GMDS: variants seen among roughly 807,000 people sequenced by gnomAD.
The protein encoded by GMDS is GDP-mannose 4,6-dehydratase.
In GMDS, 20 loss-of-function variants were observed where a neutral mutation model predicts 49.9. The ratio of observed to expected loss-of-function variants is 0.40; its 90% CI spans 0.28 to 0.58. GMDS has a LOEUF of 0.58. Among genes scored for constraint, GMDS ranks in the 20% least tolerant of loss-of-function variants. The pLI, the probability that GMDS is intolerant of heterozygous loss-of-function variation, is 0.42. For synonymous variants in GMDS, 177 were observed against 178.6 expected, an observed-to-expected ratio of 0.99 and a Z score of 0.07; for missense variants, 362 against 481.4, an observed-to-expected ratio of 0.75 and a Z score of 2.32.
intron 4 of GMDS, among the ~76,000 whole-genome samples, chr6:2,022,190 C>A (rs1319142375): frequency 1.3e-5 from 2 of 151,952 alleles, no homozygotes; most frequent in East Asian, 3.9e-4. Flanking sequence ...TCTAAAAAAA[C>A]CAAAGTGGAG....
At chr6:1,761,139 T>A (rs1581150928) in intron 7 of GMDS, among the ~76,000 whole-genome samples, 1 of 152,304 alleles carries the variant, frequency 6.6e-6, no homozygotes, top group East Asian at 1.9e-4. Context: ...AAAGGCCCCC[T>A]GTGTTCTCCA....
chr6:2,156,737 A>G (rs1777132851), intron 1 of GMDS, among the ~76,000 whole-genome samples: 1 of 152,228 alleles, frequency 6.6e-6, no homozygotes, highest in Non-Finnish European at 1.5e-5. Context: ...GTCTCGGGGT[A>G]GATATTATGT....
chr6:1,708,093 G>C (rs1765803514), intron 9 of GMDS, among the ~76,000 whole-genome samples: 1 of 152,154 alleles, frequency 6.6e-6, no homozygotes, highest in African/African-American at 2.4e-5. Context: ...GATTTTAATG[G>C]CATAGAAAGG....
At chr6:2,065,173 C>T (rs551400745) in intron 4 of GMDS, among the ~76,000 whole-genome samples, 41 of 152,276 alleles carry the variant, frequency 2.7e-4, no homozygotes, top group Middle Eastern at 3.4e-3. Context: ...ACTGACACCT[C>T]ACACAGCCTG....
At chr6:1,733,055 G>A (rs980751718) in intron 8 of GMDS, among the ~76,000 whole-genome samples, 4 of 152,140 alleles carry the variant, frequency 2.6e-5, no homozygotes, top group African/African-American at 4.8e-5. Context: ...CACTAGCTCC[G>A]CTACAGACCC....
At chr6:1,973,487 G>T (rs972759939) in intron 4 of GMDS, among the ~76,000 whole-genome samples, 1 of 152,032 alleles carries the variant, frequency 6.6e-6, no homozygotes, top group Non-Finnish European at 1.5e-5. Flanking sequence ...AAAATCAGGG[G>T]ATTAAAAATA....
intron 7 of GMDS, among the ~76,000 whole-genome samples, chr6:1,858,175 C>CA (rs1430160435): frequency 6.6e-6 from 1 of 151,688 alleles, no homozygotes; most frequent in Non-Finnish European, 1.5e-5. Context: ...ATAAAACAGA[C>CA]AAAAAAAGAA....
At chr6:1,655,331 T>G (rs1257580433) in intron 9 of GMDS, among the ~76,000 whole-genome samples, 1 of 152,210 alleles carries the variant, frequency 6.6e-6, no homozygotes, top group Non-Finnish European at 1.5e-5. Flanking sequence ...ACGTGGGTTC[T>G]GATTATTCTT....
intron 1 of GMDS, among the ~76,000 whole-genome samples, chr6:2,141,195 A>C (rs1776268242): frequency 6.6e-6 from 1 of 152,222 alleles, no homozygotes. Context: ...GATCAGGTCA[A>C]CAGGAAGCTG....
intron 9 of GMDS, among the ~76,000 whole-genome samples, chr6:1,716,928 T>TA (rs1766196796): frequency 6.6e-6 from 1 of 152,232 alleles, no homozygotes; most frequent in Non-Finnish European, 1.5e-5. Context: ...TCAGCGGTGT[T>TA]TTCTGAGTGT....
At chr6:2,068,964 G>C (rs746431896) in intron 4 of GMDS, among the ~76,000 whole-genome samples, 1 of 152,080 alleles carries the variant, frequency 6.6e-6, no homozygotes, top group Non-Finnish European at 1.5e-5. Flanking sequence ...GCCAAGTCAA[G>C]CCTAAGTCAA....
At chr6:1,706,965 C>T (rs547024340) in intron 9 of GMDS, among the ~76,000 whole-genome samples, 6 of 152,292 alleles carry the variant, frequency 3.9e-5, no homozygotes, top group South Asian at 4.1e-4. Context: ...GCAGTATTTT[C>T]GGGAAGGCAA....
At chr6:1,696,539 C>T (rs4516990) in intron 9 of GMDS, among the ~76,000 whole-genome samples, 147,526 of 152,360 alleles carry the variant, frequency 0.97, 71,599 homozygotes, top group East Asian at 1. Flanking sequence ...TATATGCTCA[C>T]AGGGACAGCG....
At chr6:1,774,944 T>G (rs562171213) in intron 7 of GMDS, among the ~76,000 whole-genome samples, 1 of 152,164 alleles carries the variant, frequency 6.6e-6, no homozygotes, top group African/African-American at 2.4e-5. Context: ...CAGGGGGAGT[T>G]GAAGGGGATG....
At chr6:2,216,558 G>C (rs1338380632) in intron 1 of GMDS, among the ~76,000 whole-genome samples, 1 of 152,208 alleles carries the variant, frequency 6.6e-6, no homozygotes, top group Admixed American at 6.5e-5. Context: ...GAAAGAGCCT[G>C]ACTTCAGTTA....
At chr6:1,760,033 G>A (rs971565207) in intron 7 of GMDS, among the ~76,000 whole-genome samples, 9 of 152,164 alleles carry the variant, frequency 5.9e-5, no homozygotes, top group Admixed American at 2.6e-4. Context: ...GCACCCAGGC[G>A]TGAGACTGTC....
At chr6:2,171,700 A>C (rs1268258045) in intron 1 of GMDS, among the ~76,000 whole-genome samples, 1 of 152,208 alleles carries the variant, frequency 6.6e-6, no homozygotes, top group Non-Finnish European at 1.5e-5. Context: ...AGAAATACAT[A>C]GTGTGAAACT....
intron 4 of GMDS, among the ~76,000 whole-genome samples, chr6:1,962,408 T>C (rs929889117): frequency 6.6e-5 from 10 of 152,224 alleles, no homozygotes; most frequent in African/African-American, 2.4e-4. Flanking sequence ...GTTGAGTATA[T>C]ACCTAGGAAT....
chr6:1,888,467 TG>T (rs888623924), intron 7 of GMDS, among the ~76,000 whole-genome samples: 3 of 152,036 alleles, frequency 2.0e-5, no homozygotes, highest in African/African-American at 7.2e-5. Context: ...AAGAACACCA[TG>T]GGGGAAACGA....
Sources: gnomAD v4.1 joint callset for allele counts (sites outside exome capture counted in the v4.1 genomes callset) on GRCh38, gnomAD v4.1.1 for gene constraint, MANE v1.5 for transcripts, NCBI Gene and HGNC (gene_info 2026-07-23, HGNC 2026-07-21) for gene names.